AP3B1: variants seen among roughly 807,000 people sequenced by gnomAD.
AP3B1 encodes the protein AP-3 complex subunit beta-1.
A neutral mutation model predicts 132.5 loss-of-function variants in AP3B1; 61 were observed. The observed-to-expected ratio is 0.46, with a 90% CI of 0.37 to 0.57. The LOEUF is 0.57. Among genes scored for constraint, AP3B1 ranks in the 20% least tolerant of loss-of-function variants. The pLI is 0.00. For missense variants in AP3B1, 1,120 were observed against 1,289.4 expected, an observed-to-expected ratio of 0.87 and a Z score of 2.01; for synonymous variants, 388 against 438.3, an observed-to-expected ratio of 0.89 and a Z score of 1.43.
intron 20 of AP3B1, chr5:78,101,228 C>A: frequency 2.0e-6 from 1 of 510,934 alleles, no homozygotes. Flanking sequence ...TATGCAAACT[C>A]TTAAACTATT....
chr5:78,256,057 T>A (rs1747833845), intron 2 of AP3B1, among the ~76,000 whole-genome samples: 1 of 151,588 alleles, frequency 6.6e-6, no homozygotes, highest in Non-Finnish European at 1.5e-5. Context: ...GCTATAAGTG[T>A]CTACATCAAA....
At chr5:78,257,429 C>T (rs1333014287) in intron 2 of AP3B1, among the ~76,000 whole-genome samples, 1 of 151,986 alleles carries the variant, frequency 6.6e-6, no homozygotes, top group Non-Finnish European at 1.5e-5. Context: ...ACTAGCCACA[C>T]ACAAAATTAA....
chr5:78,043,206 G>A (rs1480438882), intron 22 of AP3B1: 1 of 156,342 alleles, frequency 6.4e-6, no homozygotes. Context: ...TGTGATATGA[G>A]CTCACTGCAA....
chr5:78,078,485 A>C (rs1287132535), intron 22 of AP3B1, among the ~76,000 whole-genome samples: 1 of 152,240 alleles, frequency 6.6e-6, no homozygotes, highest in Non-Finnish European at 1.5e-5. Context: ...TACATTTTGT[A>C]CACTAGCTAT....
chr5:78,122,751 C>G (rs907327963), intron 17 of AP3B1, among the ~76,000 whole-genome samples: 1 of 152,046 alleles, frequency 6.6e-6, no homozygotes, highest in Non-Finnish European at 1.5e-5. Context: ...GAATCAATAC[C>G]GTGAAAATGG....
At chr5:78,134,614 C>T (rs1367747661) in intron 15 of AP3B1, among the ~76,000 whole-genome samples, 2 of 152,156 alleles carry the variant, frequency 1.3e-5, no homozygotes, top group Admixed American at 6.5e-5. Context: ...GATCTCAGCT[C>T]ACTGCAACCT....
intron 2 of AP3B1, among the ~76,000 whole-genome samples, chr5:78,250,901 G>A (rs1401377386): frequency 6.6e-6 from 1 of 151,986 alleles, no homozygotes; most frequent in Non-Finnish European, 1.5e-5. Context: ...TTCAATGCCA[G>A]CTCAAAAAAA....
At chr5:78,270,960 T>C (rs897411705) in intron 1 of AP3B1, among the ~76,000 whole-genome samples, 4 of 152,216 alleles carry the variant, frequency 2.6e-5, no homozygotes. Context: ...CTCATAGGGA[T>C]TTCATTCTAT....
intron 17 of AP3B1, among the ~76,000 whole-genome samples, chr5:78,118,569 C>T (rs1402459390): frequency 6.6e-6 from 1 of 152,222 alleles, no homozygotes. Flanking sequence ...CGGAGTCTTG[C>T]TGATTGCTAG....
At chr5:78,171,680 G>A (rs1179375465) in intron 11 of AP3B1, among the ~76,000 whole-genome samples, 1 of 152,168 alleles carries the variant, frequency 6.6e-6, no homozygotes, top group Non-Finnish European at 1.5e-5. Flanking sequence ...CATGTCATCT[G>A]CAAACAGGGA....
intron 1 of AP3B1, among the ~76,000 whole-genome samples, chr5:78,287,012 T>C (rs1410119772): frequency 6.6e-6 from 1 of 152,220 alleles, no homozygotes; most frequent in African/African-American, 2.4e-5. Context: ...TATACACAAG[T>C]GAAATACTGT....
intron 26 of AP3B1, among the ~76,000 whole-genome samples, chr5:78,004,997 C>A (rs1392658206): frequency 1.3e-5 from 2 of 152,166 alleles, no homozygotes; most frequent in African/African-American, 4.8e-5. Context: ...AGGCTCCTCA[C>A]AGGTTTATGC....
In AP3B1 at chr5:78,072,712, C is replaced by CTTTTTTTTTT. The variant is rs34203981; in HGVS notation, c.2577+16671_2577+16680dup. Among the ~76,000 whole-genome samples, 3 of 68,284 alleles carry CTTTTTTTTTT rather than the reference C, an allele frequency of 4.4e-5. 1 individual carries two copies. The highest frequency in any genetic ancestry group is 7.3e-5 in the Non-Finnish European group (3 of 41,026). 44.8% of individuals were successfully genotyped at this position (68,284 alleles called of 152,430 possible). A position where few individuals can be genotyped will look rare whatever the true frequency, so the allele number is the denominator to read the frequency against. On this transcript the variant is annotated intron_variant, in intron 22 of 26. Transcript: ENST00000255194. ...TGAGTAACAATGTGTCTGATATATT[C>CTTTTTTTTTT]TTTTTTTTTTTTTTTTTTTTTTTTT...
intron 6 of AP3B1, among the ~76,000 whole-genome samples, chr5:78,223,167 C>T (rs1055703476): frequency 2.6e-5 from 4 of 151,772 alleles, no homozygotes; most frequent in Admixed American, 2.6e-4. Flanking sequence ...GCCAGAGCCA[C>T]ATTTCTTAAT....
At chr5:78,026,322 A>AT (rs1747340552) in intron 24 of AP3B1, among the ~76,000 whole-genome samples, 1 of 152,220 alleles carries the variant, frequency 6.6e-6, no homozygotes, top group African/African-American at 2.4e-5. Flanking sequence ...GTACACATTT[A>AT]ACTGTAGCAT....
chr5:78,184,509 A>G (rs995205002), intron 7 of AP3B1, among the ~76,000 whole-genome samples: 2 of 151,056 alleles, frequency 1.3e-5, no homozygotes, highest in Admixed American at 1.3e-4. Flanking sequence ...ACACGGTGAA[A>G]CCCCGCCTCT....
intron 6 of AP3B1, among the ~76,000 whole-genome samples, chr5:78,220,652 T>C (rs1451045611): frequency 6.8e-6 from 1 of 147,916 alleles, no homozygotes; most frequent in African/African-American, 2.5e-5. Flanking sequence ...GATGATTCAA[T>C]GAGGTAGTGT....
chr5:78,193,971 G>A (rs1376107548), intron 7 of AP3B1, among the ~76,000 whole-genome samples: 1 of 151,452 alleles, frequency 6.6e-6, no homozygotes, highest in Non-Finnish European at 1.5e-5. Flanking sequence ...GTTTCACCGT[G>A]TTAGCCAGGA....
chr5:78,127,674 G>A (rs1340602354), intron 17 of AP3B1, among the ~76,000 whole-genome samples: 1 of 152,058 alleles, frequency 6.6e-6, no homozygotes, highest in East Asian at 1.9e-4. Context: ...GAAGGATATT[G>A]TCAGGAAGCT....
Sources: allele counts gnomAD v4.1 joint callset (sites outside exome capture counted in the v4.1 genomes callset), GRCh38; gene constraint gnomAD v4.1.1; transcripts MANE v1.5; gene names NCBI Gene and HGNC (gene_info 2026-07-23, HGNC 2026-07-21).